STRN: variants seen among roughly 807,000 people sequenced by gnomAD.
The protein encoded by STRN is protein phosphatase 2 regulatory subunit B'''alpha.
In STRN, 53 loss-of-function variants were observed where a neutral mutation model predicts 96.3. The ratio of observed to expected loss-of-function variants is 0.55; its 90% CI spans 0.44 to 0.69. The LOEUF is 0.69. Ranked by LOEUF, STRN falls within the 30% of genes least tolerant of loss-of-function variation. The pLI, the probability that STRN is intolerant of heterozygous loss-of-function variation, is 0.00. For synonymous variants in STRN, 428 were observed against 355.9 expected, an observed-to-expected ratio of 1.20 and a Z score of -2.28; for missense variants, 987 against 963.9, an observed-to-expected ratio of 1.02 and a Z score of -0.32.
In STRN at chr2:36,838,223, TC is replaced by T. The variant is rs995049020; in HGVS notation, c.*11232del. On this transcript the variant is annotated 3_prime_UTR_variant, in exon 18 of 18. Transcript: ENST00000263918. ...GGACCACGGAGCAACCTCTAAAGGA[TC>T]AGATTTGACAGTCAGCTAGGAGACA... Among the ~76,000 whole-genome samples the T allele has an allele frequency of 2.0e-5, 3 of 152,098 alleles. No homozygotes were observed. Among genetic ancestry groups the T allele is most frequent in the Admixed American group, 6.5e-5 (1 of 15,278 alleles).
Position 36,842,691 on chromosome 2 carries a change from G to C in STRN, c.*6765C>G, listed in dbSNP as rs1222517602. ...AAGGGTTAGGTTTTGTAGGGTTTGAGTGATACTTAGAAGCGAGTCATTTTA... is the reference window on the plus strand; with the variant it reads ...AAGGGTTAGGTTTTGTAGGGTTTGACTGATACTTAGAAGCGAGTCATTTTA... On this transcript the variant is annotated 3_prime_UTR_variant, in exon 18 of 18. Coordinates refer to ENST00000263918, the MANE Select transcript of STRN (RefSeq NM_003162.4). Among the ~76,000 whole-genome samples the C allele has an allele frequency of 2.6e-5, 4 of 152,032 alleles. No individual in the cohort carries two copies. The highest frequency in any genetic ancestry group is 9.7e-5 in the African/African-American group (4 of 41,342).
chr2:36,846,976 T>C lies in STRN; in HGVS notation c.*2480A>G, dbSNP rs1668093905. ...AATGGCTGTTTAAACATTGAATTTG[T>C]TCATTCTGTGAATTTTCATTGAATG... is the stretch of plus-strand genomic sequence containing the variant. On this transcript the variant is annotated 3_prime_UTR_variant, in exon 18 of 18. Coordinates refer to ENST00000263918, the MANE Select transcript of STRN (RefSeq NM_003162.4). 6.6e-6 allele frequency: 1 copy of C among 152,194 alleles called. No individual in the cohort carries two copies. Among genetic ancestry groups the C allele is most frequent in the Non-Finnish European group, 1.5e-5 (1 of 68,026 alleles). 9.4% of individuals were successfully genotyped at this position (152,194 alleles called of 1,614,324 possible).
chr2:36,857,155 G>A (rs991510142), intron 14 of STRN, among the ~76,000 whole-genome samples: 1 of 150,264 alleles, frequency 6.7e-6, no homozygotes. Flanking sequence ...CCAAATTCCT[G>A]GCCTCTCGTG....
At chr2:36,941,734 A>C (rs1022685561) in intron 1 of STRN, among the ~76,000 whole-genome samples, 1 of 131,388 alleles carries the variant, frequency 7.6e-6, no homozygotes, top group African/African-American at 3.3e-5. Flanking sequence ...TTTTTTTTTT[A>C]GTGGAGACGG....
At chr2:36,902,828 T>C in intron 4 of STRN, 77 bp from the exon 5 acceptor site, 1 of 1,252,592 alleles carries the variant, frequency 8.0e-7, no homozygotes, top group Non-Finnish European at 1.1e-6. Context: ...TAAAAGTATT[T>C]ATTTAAACTC....
chr2:36,902,554 G>A, intron 5 of STRN, 30 bp downstream of exon 5: 1 of 1,562,342 alleles, frequency 6.4e-7, no homozygotes, highest in Non-Finnish European at 8.7e-7. Context: ...ACTAATAATA[G>A]CTAAAACACT....
At chr2:36,860,556 T>C (rs1159408285) in intron 13 of STRN, among the ~76,000 whole-genome samples, 1 of 152,216 alleles carries the variant, frequency 6.6e-6, no homozygotes, top group Non-Finnish European at 1.5e-5. Flanking sequence ...AAAACCAAAA[T>C]ACCCAATTCC....
intron 2 of STRN, among the ~76,000 whole-genome samples, chr2:36,920,387 C>G (rs1670220798): frequency 6.6e-6 from 1 of 152,018 alleles, no homozygotes; most frequent in Non-Finnish European, 1.5e-5. Flanking sequence ...ACCTGTAATC[C>G]CAACACTTTG....
intron 15 of STRN, among the ~76,000 whole-genome samples, chr2:36,854,062 T>C (rs1668284196): frequency 8.2e-6 from 1 of 121,888 alleles, no homozygotes; most frequent in South Asian, 3.0e-4. Context: ...TCTTTATCCA[T>C]CTTATCTACC....
chr2:36,866,644 CTAT>C (rs1447419258), intron 12 of STRN, among the ~76,000 whole-genome samples: 1 of 152,120 alleles, frequency 6.6e-6, no homozygotes. Flanking sequence ...AAGTCTCCCA[CTAT>C]TATTGTAAAG....
chr2:36,899,070 C>T (rs1669616434), intron 6 of STRN, among the ~76,000 whole-genome samples: 1 of 152,118 alleles, frequency 6.6e-6, no homozygotes. Context: ...TTGAGAAGAA[C>T]CCTAAACAAT....
rs1553407251 is a variant in STRN, at chr2:36,957,757, T to TTG, written c.234+8472_234+8473insCA. Among the ~76,000 whole-genome samples the TTG allele has an allele frequency of 3.0e-4, 34 of 111,816 alleles. 3 individuals carry two copies. The highest frequency in any genetic ancestry group is 5.5e-4 in the Non-Finnish European group (28 of 51,258). The allele number at this position is 111,816 out of a possible 152,430, so 73.4% of individuals were successfully genotyped here. A position where few individuals can be genotyped will look rare whatever the true frequency, so the allele number is the denominator to read the frequency against. On this transcript the variant is annotated intron_variant, in intron 1 of 17. Transcript: ENST00000263918. ...TCTTCTTTTTGTCTTTTTTTTTTTT[T>TTG]TTTTTTTTTTTTTTTGAGGTGGAGT...
intron 1 of STRN, among the ~76,000 whole-genome samples, chr2:36,952,887 TG>T (rs1305719439): frequency 1.3e-5 from 2 of 152,216 alleles, no homozygotes; most frequent in African/African-American, 4.8e-5. Flanking sequence ...AGGTTTTGGT[TG>T]TGCCTATAAT....
At chr2:36,924,808 G>A (rs1033235319) in intron 2 of STRN, among the ~76,000 whole-genome samples, 2 of 152,156 alleles carry the variant, frequency 1.3e-5, no homozygotes, top group African/African-American at 4.8e-5. Flanking sequence ...TGTAATCCCA[G>A]CACTTTAGGA....
intron 7 of STRN, among the ~76,000 whole-genome samples, chr2:36,890,303 G>T (rs563761203): frequency 6.6e-6 from 1 of 152,058 alleles, no homozygotes; most frequent in East Asian, 1.9e-4. Context: ...GACTAAATAA[G>T]TATCTTTTAT....
chr2:36,877,687 C>T (rs1668949951), intron 10 of STRN, among the ~76,000 whole-genome samples: 1 of 152,228 alleles, frequency 6.6e-6, no homozygotes, highest in African/African-American at 2.4e-5. Context: ...AGGCACCTGC[C>T]GCCATGCCTG....
intron 1 of STRN, among the ~76,000 whole-genome samples, chr2:36,946,185 T>C (rs761145648): frequency 6.7e-6 from 1 of 150,270 alleles, no homozygotes; most frequent in Non-Finnish European, 1.5e-5. Context: ...CCAGTATAAA[T>C]ACTGGAAAAT....
chr2:36,873,471 G>T (rs1049294601), intron 10 of STRN, among the ~76,000 whole-genome samples: 2 of 152,058 alleles, frequency 1.3e-5, no homozygotes, highest in Admixed American at 1.3e-4. Flanking sequence ...GAGATGGGAG[G>T]AGAGCCTGAG....
chr2:36,851,684 G>A (rs1399864059), intron 15 of STRN, among the ~76,000 whole-genome samples: 2 of 152,122 alleles, frequency 1.3e-5, no homozygotes, highest in Non-Finnish European at 2.9e-5. Context: ...CACTAACGCT[G>A]TTCATTCTAC....
Sources: gnomAD v4.1 joint callset for allele counts (sites outside exome capture counted in the v4.1 genomes callset) on GRCh38, gnomAD v4.1.1 for gene constraint, MANE v1.5 for transcripts, NCBI Gene and HGNC (gene_info 2026-07-23, HGNC 2026-07-21) for gene names.